MYO16: variants seen among roughly 807,000 people sequenced by gnomAD.
MYO16 encodes the protein myosin XVI, also known as unconventional myosin-XVI.
A neutral mutation model predicts 205.3 loss-of-function variants in MYO16; 94 were observed. The observed-to-expected ratio is 0.46, with a 90% CI of 0.39 to 0.54. The LOEUF (loss-of-function observed/expected upper bound fraction) is 0.54. MYO16 is among the 20% of genes least tolerant of loss of function. The pLI is 0.00. For missense variants in MYO16, 2,315 were observed against 2,387.5 expected (o/e 0.97, Z 0.63); for synonymous variants, 988 against 954.0 (o/e 1.04, Z -0.66).
chr13:108,677,447 T>A (rs117857769), intron 2 of MYO16, among the ~76,000 whole-genome samples: 6,500 of 150,272 alleles, frequency 0.043, 215 homozygotes, highest in South Asian at 0.15. Context: ...TAGGTACAGA[T>A]ACACATGTAC....
chr13:108,953,219 A>G (rs1371654802), intron 16 of MYO16, among the ~76,000 whole-genome samples: 3 of 152,206 alleles, frequency 2.0e-5, no homozygotes, highest in Non-Finnish European at 4.4e-5. Flanking sequence ...CCTATTTGTT[A>G]CTTTTATCTG....
At chr13:108,570,767 G>A in the MYO16 span, among the ~76,000 whole-genome samples, 3 of 152,204 alleles carry the variant, frequency 2.0e-5, no homozygotes, top group Non-Finnish European at 4.4e-5. Context: ...ACTACATTGA[G>A]ATTGAGCAAA....
At chr13:108,754,160 GTTGTAGCATGCAGAACAAA>G (rs1213630173) in intron 4 of MYO16, among the ~76,000 whole-genome samples, 41 of 152,136 alleles carry the variant, frequency 2.7e-4, no homozygotes, top group African/African-American at 8.9e-4. Flanking sequence ...TGCAGGACAA[GTTGTAGCATGCAGAACAAA>G]CTGTAGCATG....
chr13:108,584,813 A>G, the MYO16 span, among the ~76,000 whole-genome samples: 1 of 152,202 alleles, frequency 6.6e-6, no homozygotes, highest in African/African-American at 2.4e-5. Flanking sequence ...AATGATTACC[A>G]TTACACATAA....
intron 33 of MYO16, among the ~76,000 whole-genome samples, chr13:109,174,075 G>A (rs1879054063): frequency 6.6e-6 from 1 of 151,504 alleles, no homozygotes; most frequent in Non-Finnish European, 1.5e-5. Flanking sequence ...GCCTTGGCAG[G>A]TTTTGTACAT....
chr13:108,641,660 G>A (rs752096870), intron 1 of MYO16, among the ~76,000 whole-genome samples: 3 of 152,160 alleles, frequency 2.0e-5, no homozygotes, highest in Non-Finnish European at 4.4e-5. Context: ...TTACTTATTA[G>A]GTTTATCTTT....
intron 21 of MYO16, among the ~76,000 whole-genome samples, chr13:109,000,059 G>C (rs2139458330): frequency 6.6e-6 from 1 of 152,226 alleles, no homozygotes; most frequent in East Asian, 1.9e-4. Context: ...ATGATTAAAA[G>C]GAAATGTTAC....
intron 4 of MYO16, among the ~76,000 whole-genome samples, chr13:108,777,510 A>G (rs1327452439): frequency 6.6e-6 from 1 of 152,152 alleles, no homozygotes; most frequent in Non-Finnish European, 1.5e-5. Context: ...TGGCCTCTGC[A>G]TGGTGGGGAA....
the MYO16 span, among the ~76,000 whole-genome samples, chr13:108,533,073 TC>T: frequency 1.4e-4 from 21 of 152,232 alleles, no homozygotes; most frequent in African/African-American, 4.8e-4. Flanking sequence ...TGTTTTCCTT[TC>T]AAATTATGAA....
intron 21 of MYO16, among the ~76,000 whole-genome samples, chr13:108,995,630 C>T (rs1884978046): frequency 6.6e-6 from 1 of 152,050 alleles, no homozygotes; most frequent in Non-Finnish European, 1.5e-5. Flanking sequence ...TGATGTTCCC[C>T]TTCCTGTGCC....
chr13:108,626,218 T>C (rs891898278), upstream of MYO16, among the ~76,000 whole-genome samples: 3 of 152,144 alleles, frequency 2.0e-5, no homozygotes, highest in Non-Finnish European at 4.4e-5. Context: ...AGCTGTATGG[T>C]GTATAAAAGA....
the MYO16 span, among the ~76,000 whole-genome samples, chr13:108,577,849 C>A: frequency 1.2e-3 from 184 of 152,256 alleles, 1 homozygote; most frequent in African/African-American, 4.2e-3. Flanking sequence ...AATCCCTAAA[C>A]TTGCCCCTTT....
At chr13:108,983,646 A>C (rs1180530736) in intron 20 of MYO16, among the ~76,000 whole-genome samples, 1 of 152,200 alleles carries the variant, frequency 6.6e-6, no homozygotes, top group Non-Finnish European at 1.5e-5. Flanking sequence ...GAAGCAGGCA[A>C]GCAATTCAAT....
chr13:108,777,707 T>G (rs1485949227), intron 4 of MYO16, among the ~76,000 whole-genome samples: 3 of 152,206 alleles, frequency 2.0e-5, no homozygotes, highest in Non-Finnish European at 4.4e-5. Flanking sequence ...GCCACCACTG[T>G]AAATCTGAAA....
the MYO16 span, among the ~76,000 whole-genome samples, chr13:108,585,548 C>G: frequency 2.6e-4 from 39 of 152,198 alleles, no homozygotes; most frequent in African/African-American, 6.7e-4. Flanking sequence ...TTGATTATCT[C>G]CTGGATCTGG....
chr13:108,800,931 G>GA lies in MYO16; in HGVS notation c.742-5742dup, dbSNP rs540569547. 2.8e-3 allele frequency among the ~76,000 whole-genome samples: 429 copies of GA among 151,938 alleles called. 1 individual carries two copies. Among genetic ancestry groups the GA allele is most frequent in the African/African-American group, 9.1e-3 (377 of 41,420 alleles). Reference sequence around the variant, plus strand: ...AGATATTTTCCAAGTTATACATGTGGAAAAAAGCCTCTGGCAAAGACCCTT... The same window carrying GA: ...AGATATTTTCCAAGTTATACATGTGGAAAAAAAGCCTCTGGCAAAGACCCTT... On this transcript the variant is annotated intron_variant, in intron 6 of 34. Transcript: ENST00000457511.
chr13:109,150,638 T>C lies in MYO16; in HGVS notation c.5164+9262T>C, dbSNP rs566251146. The stretch of plus-strand genomic sequence containing the variant: ...ATTAACCAAATGCAACAAAGAAGCC[T>C]TTACAACCGGGATGCTCTATAATGC... On this transcript the variant is annotated intron_variant, in intron 32 of 34. Transcript: ENST00000457511. Among the ~76,000 whole-genome samples the C allele has an allele frequency of 5.3e-5, 8 of 152,302 alleles. No homozygotes were observed. The South Asian group carries it at 1.7e-3, about 32-fold the overall frequency.
chr13:108,845,038 A>G (rs1029139051), intron 10 of MYO16, among the ~76,000 whole-genome samples: 5 of 152,060 alleles, frequency 3.3e-5, no homozygotes, highest in Non-Finnish European at 7.4e-5. Flanking sequence ...GCTTGGAGTT[A>G]TGGCAATTAA....
chr13:108,921,495 G>A (rs557818549), intron 16 of MYO16, among the ~76,000 whole-genome samples: 2 of 152,330 alleles, frequency 1.3e-5, no homozygotes, highest in East Asian at 3.9e-4. Flanking sequence ...AGGACATATA[G>A]TATACATGTG....
Sources: gnomAD v4.1 joint callset for allele counts (sites outside exome capture counted in the v4.1 genomes callset) on GRCh38, gnomAD v4.1.1 for gene constraint, MANE v1.5 for transcripts, NCBI Gene and HGNC (gene_info 2026-07-23, HGNC 2026-07-21) for gene names.